UNC5A: variants seen among roughly 807,000 people sequenced by gnomAD.
UNC5A encodes the protein netrin receptor UNC5A.
UNC5A carries 20 observed loss-of-function variants against 87.4 expected under a neutral mutation model. The ratio of observed to expected loss-of-function variants is 0.23; its 90% confidence interval spans 0.16 to 0.33. The LOEUF is 0.33. Ranked by LOEUF, UNC5A falls within the 10% of genes least tolerant of loss-of-function variation. The pLI is 1.00. For synonymous variants in UNC5A, 438 were observed against 482.3 expected (o/e 0.91, Z 1.20); for missense variants, 844 against 1,133.4 (o/e 0.74, Z 3.67).
Position 176,865,155 on chromosome 5 carries a change from A to G in UNC5A, c.292+2310A>G, listed in dbSNP as rs61048140. ...TCTCCCCACCCCACACCCGGGGCCC[A>G]GCGTCCCTTCAGCATAAGTTCTCCC... is the stretch of plus-strand genomic sequence containing the variant. On this transcript the variant is annotated intron_variant, in intron 2 of 14. Transcript: ENST00000329542. This position sits in a 1 kb window ranked among gnomAD's most constrained non-coding sequence, Gnocchi z 5.3. Among the ~76,000 whole-genome samples the G allele has an allele frequency of 0.035, 5,301 of 152,250 alleles. 294 individuals carry two copies. The highest frequency in any genetic ancestry group is 0.12 in the African/African-American group (4,835 of 41,540).
intron 1 of UNC5A, among the ~76,000 whole-genome samples, chr5:176,817,371 G>A (rs991345071): frequency 1.3e-5 from 2 of 152,134 alleles, no homozygotes; most frequent in Non-Finnish European, 2.9e-5. Context: ...ATCCCACCTC[G>A]GCCCTAGGTG....
chr5:176,829,501 G>A (rs1756948157), intron 1 of UNC5A, among the ~76,000 whole-genome samples: 1 of 148,182 alleles, frequency 6.7e-6, no homozygotes, highest in African/African-American at 2.5e-5. Context: ...TGGATGGATG[G>A]ATAAAGTGGG....
chr5:176,822,182 C>T (rs998883333), intron 1 of UNC5A, among the ~76,000 whole-genome samples: 3 of 152,258 alleles, frequency 2.0e-5, no homozygotes, highest in Non-Finnish European at 4.4e-5. Flanking sequence ...AGCCTGATGC[C>T]GGCTCACAGT....
chr5:176,877,307 G>A (rs1300743221), intron 9 of UNC5A, 28 bp downstream of exon 9: 4 of 1,594,058 alleles, frequency 2.5e-6, no homozygotes, highest in South Asian at 2.2e-5. Context: ...GTTGCCGGGG[G>A]TGGGAGGGAC....
intron 1 of UNC5A, among the ~76,000 whole-genome samples, chr5:176,826,475 G>A (rs986674901): frequency 3.3e-5 from 5 of 152,138 alleles, no homozygotes; most frequent in African/African-American, 9.7e-5. Context: ...GGACTTTGAT[G>A]CATATATATT....
chr5:176,863,109 A>G (rs542296708), intron 2 of UNC5A, among the ~76,000 whole-genome samples: 1 of 152,324 alleles, frequency 6.6e-6, no homozygotes, highest in South Asian at 2.1e-4. Context: ...CACACCTGTG[A>G]GCACCCACTC....
intron 1 of UNC5A, among the ~76,000 whole-genome samples, chr5:176,827,334 C>T (rs1481145463): frequency 6.6e-6 from 1 of 152,058 alleles, no homozygotes; most frequent in Non-Finnish European, 1.5e-5. Flanking sequence ...AGGCATGCAC[C>T]ACCACGCCCA....
rs749396140 is a variant in UNC5A, at chr5:176,878,227, C to T, written c.1870-17C>T. On this transcript the variant is annotated splice_polypyrimidine_tract_variant and intron_variant, in intron 11 of 14. Transcript: ENST00000329542. Reference sequence around the variant, plus strand: ...GCAGTGGGGAGGGGCCTGGGCTGACCACCTGGGGCACTGCAGGAGGTGGTG... The same window carrying T: ...GCAGTGGGGAGGGGCCTGGGCTGACTACCTGGGGCACTGCAGGAGGTGGTG... 1 of 1,608,656 alleles carries T rather than the reference C, an allele frequency of 6.2e-7. No individual in the cohort carries two copies. Among genetic ancestry groups the T allele is most frequent in the Non-Finnish European group, 8.5e-7 (1 of 1,178,572 alleles).
intron 1 of UNC5A, among the ~76,000 whole-genome samples, chr5:176,834,334 G>A (rs868214844): frequency 3.3e-5 from 5 of 152,072 alleles, no homozygotes; most frequent in South Asian, 2.1e-4. Context: ...GGCATTAGCC[G>A]CCCAGCTGGA....
intron 1 of UNC5A, among the ~76,000 whole-genome samples, chr5:176,826,988 A>G (rs1456231912): frequency 6.6e-6 from 1 of 150,394 alleles, no homozygotes; most frequent in African/African-American, 2.5e-5. Context: ...GTCACTCCCC[A>G]TTCTCCCCTT....
chr5:176,878,295 C>A lies in UNC5A; in HGVS notation c.1921C>A (p.Arg641=). 1 of 1,613,156 alleles carries A rather than the reference C, an allele frequency of 6.2e-7. No individual in the cohort carries two copies. The highest frequency in any genetic ancestry group is 8.5e-7 in the Non-Finnish European group (1 of 1,179,994). The stretch of plus-strand genomic sequence containing the variant: ...GGGGGGACAGCTGATCCAGGAGCCA[C>A]GGGTCCTGCACTTCAAGGACAGTTA... ...QLGGQLIQEP[R]VLHFKDSYHN... The change falls in exon 12 of 15, where the codon CGG becomes AGG. Residue 641 remains arginine (R), a synonymous_variant. Transcript: ENST00000329542.
rs564129893 is a variant in UNC5A, at chr5:176,838,998, C to G, written c.71-23626C>G. Among the ~76,000 whole-genome samples the G allele has an allele frequency of 5.3e-5, 8 of 152,352 alleles. No individual in the cohort carries two copies. The highest frequency in any genetic ancestry group is 1.3e-4 in the Admixed American group (2 of 15,310). On this transcript the variant is annotated intron_variant, in intron 1 of 14. Transcript: ENST00000329542. The surrounding 1 kb of genome is among the most constrained non-coding windows in gnomAD (Gnocchi z 4.2). The stretch of plus-strand genomic sequence containing the variant: ...GGCTGTTATTTTGGGAAAAGAGGAG[C>G]TGGAGCTGGGAAAGCAGTCAGCAGG...
intron 1 of UNC5A, among the ~76,000 whole-genome samples, chr5:176,831,746 C>T (rs562462033): frequency 2.0e-5 from 3 of 152,302 alleles, no homozygotes; most frequent in African/African-American, 7.2e-5. Flanking sequence ...TGACTGAAGT[C>T]CTCATCTGTC....
chr5:176,828,274 GT>G (rs1190225364), intron 1 of UNC5A, among the ~76,000 whole-genome samples: 1 of 152,218 alleles, frequency 6.6e-6, no homozygotes, highest in Non-Finnish European at 1.5e-5. Flanking sequence ...TCAATTTTTA[GT>G]GATTAAGAGG....
intron 9 of UNC5A, 94 bp downstream of exon 9, chr5:176,877,373 G>A (rs1758288217): frequency 2.2e-6 from 3 of 1,378,068 alleles, no homozygotes; most frequent in Non-Finnish European, 3.0e-6. Context: ...GTTGTGCCTG[G>A]CCCGAGGCGG....
intron 2 of UNC5A, 121 bp downstream of exon 2, chr5:176,862,966 GC>G: frequency 8.7e-7 from 1 of 1,145,138 alleles, no homozygotes; most frequent in Non-Finnish European, 1.3e-6. Flanking sequence ...TTCCCCAGAG[GC>G]CACAACCCTC....
chr5:176,818,132 C>A (rs895270684), intron 1 of UNC5A, among the ~76,000 whole-genome samples: 1 of 152,208 alleles, frequency 6.6e-6, no homozygotes, highest in Admixed American at 6.5e-5. Flanking sequence ...CTTCCCGGGC[C>A]CCCTGAGAAG....
In UNC5A at chr5:176,874,252, T is replaced by C; in HGVS notation, c.1076-12T>C. ...CTAGGTGCCATTGCCTGAGTCTGTC[T>C]TTATCCTGCAGACAACCCCCATCTG... On this transcript the variant is annotated splice_polypyrimidine_tract_variant and intron_variant, in intron 7 of 14. Transcript: ENST00000329542. The surrounding 1 kb of genome is among the most constrained non-coding windows in gnomAD (Gnocchi z 7.6). The C allele has an allele frequency of 6.3e-7, 1 of 1,584,414 alleles. No homozygotes were observed. The highest frequency in any genetic ancestry group is 8.6e-7 in the Non-Finnish European group (1 of 1,163,732).
At chr5:176,864,192 C>T (rs1757916632) in intron 2 of UNC5A, among the ~76,000 whole-genome samples, 1 of 152,046 alleles carries the variant, frequency 6.6e-6, no homozygotes, top group Non-Finnish European at 1.5e-5. Context: ...AACATCCAAG[C>T]TCAGGTCTCA....
Sources: gnomAD v4.1 joint callset for allele counts (sites outside exome capture counted in the v4.1 genomes callset) on GRCh38, gnomAD v4.1.1 for gene constraint, Gnocchi (gnomAD v3.1) non-coding constraint, MANE v1.5 for transcripts, NCBI Gene and HGNC (gene_info 2026-07-23, HGNC 2026-07-21) for gene names.